Variants in EIF4E2 observed in about 807,000 individuals in gnomAD.
The protein encoded by EIF4E2 is eukaryotic translation initiation factor 4E type 2.
Under a neutral mutation model 34.2 loss-of-function variants are expected in EIF4E2, and 13 were observed. The ratio of observed to expected loss-of-function variants is 0.38; its 90% CI spans 0.25 to 0.60. The LOEUF (loss-of-function observed/expected upper bound fraction) is 0.60, where lower values mean the gene tolerates loss of function less well. EIF4E2 is among the 20% of genes least tolerant of loss of function. The pLI is 0.62. For missense variants in EIF4E2, 222 were observed against 315.1 expected (o/e 0.70, Z 2.24); for synonymous variants, 100 against 106.6 (o/e 0.94, Z 0.38).
intron 6 of EIF4E2, among the ~76,000 whole-genome samples, chr2:232,578,924 A>G (rs1158018320): frequency 6.6e-6 from 1 of 152,190 alleles, no homozygotes; most frequent in African/African-American, 2.4e-5. Context: ...TTTAATAAGA[A>G]GAGCAGAATC....
At chr2:232,562,634 T>C (rs566224873) in intron 3 of EIF4E2, among the ~76,000 whole-genome samples, 6 of 152,274 alleles carry the variant, frequency 3.9e-5, no homozygotes, top group South Asian at 2.1e-4. Flanking sequence ...AGTTGTAAGA[T>C]TGGGGAGACC....
intron 1 of EIF4E2, among the ~76,000 whole-genome samples, chr2:232,555,636 C>G (rs1692491855): frequency 6.6e-6 from 1 of 152,102 alleles, no homozygotes; most frequent in South Asian, 2.1e-4. Context: ...AGACACTGCT[C>G]TAAGGGAACT....
In EIF4E2 at chr2:232,580,973, T is replaced by C. The variant is rs188339923; in HGVS notation, c.*30T>C. ...ACACAAGCTGGCAATAATCCTTTTC[T>C]GTATGTGTGTGTTTGTCCGAAATGG... On this transcript the variant is annotated 3_prime_UTR_variant, in exon 7 of 7. Transcript: ENST00000409098. 2.4e-5 allele frequency: 37 copies of C among 1,547,322 alleles called. No individual in the cohort carries two copies. In the East Asian group the frequency reaches 8.6e-4, roughly 36 times the overall value.
At chr2:232,574,479 T>C in intron 6 of EIF4E2, 4 of 857,358 alleles carry the variant, frequency 4.7e-6, no homozygotes, top group Non-Finnish European at 7.3e-6. Flanking sequence ...CACTGGATTC[T>C]CATCCTCCCT....
intron 3 of EIF4E2, among the ~76,000 whole-genome samples, chr2:232,559,444 AT>A (rs1213355521): frequency 2.7e-5 from 4 of 150,234 alleles, no homozygotes; most frequent in African/African-American, 9.8e-5. Flanking sequence ...TTTGAAAAAA[AT>A]AAAAAAATAA....
At chr2:232,576,264 A>G (rs1015430452) in intron 6 of EIF4E2, among the ~76,000 whole-genome samples, 1 of 152,178 alleles carries the variant, frequency 6.6e-6, no homozygotes, top group Non-Finnish European at 1.5e-5. Flanking sequence ...TCATAGTTTA[A>G]TGGGCAGTGT....
chr2:232,558,157 A>G, intron 3 of EIF4E2, 139 bp downstream of exon 3: 1 of 1,141,696 alleles, frequency 8.8e-7, no homozygotes, highest in Non-Finnish European at 1.2e-6. Flanking sequence ...CCGGAGTCAG[A>G]TTTGTTCATT....
chr2:232,569,217 C>T (rs1174216986), downstream of EIF4E2: 5 of 1,416,546 alleles, frequency 3.5e-6, no homozygotes, highest in Non-Finnish European at 4.6e-6. Context: ...ACTAGCTTGT[C>T]TCATGCTCTT....
intron 1 of EIF4E2, among the ~76,000 whole-genome samples, chr2:232,552,099 CCTA>C (rs1692357726): frequency 1.3e-5 from 2 of 152,128 alleles, no homozygotes; most frequent in African/African-American, 2.4e-5. Flanking sequence ...CAAATGTCAT[CCTA>C]AGAAGACATC....
At chr2:232,578,194 TAAATC>T (rs1392921662) in intron 6 of EIF4E2, among the ~76,000 whole-genome samples, 2 of 152,238 alleles carry the variant, frequency 1.3e-5, no homozygotes, top group Admixed American at 6.5e-5. Context: ...GTTTTCCTCT[TAAATC>T]AAACTGGAAA....
At chr2:232,559,816 G>A (rs77360230) in intron 3 of EIF4E2, among the ~76,000 whole-genome samples, 3,547 of 130,664 alleles carry the variant, frequency 0.027, 90 homozygotes, top group African/African-American at 0.08. Flanking sequence ...TGGAGAAAAC[G>A]GGAGCATTAA....
rs1366891922 is a variant in EIF4E2 at position 232,566,326 on chromosome 2, A to G, written c.376-503A>G. ...CTCAGCCTCCCGAGTAGCTGGGACT[A>G]CAGGCGCCCACCACCATGCCCGGCT... On this transcript the variant is annotated intron_variant, in intron 4 of 6. Transcript: ENST00000258416. This position sits in a 1 kb window ranked among gnomAD's most constrained non-coding sequence, Gnocchi z 4.9. 6.6e-6 allele frequency among the ~76,000 whole-genome samples: 1 copy of G among 152,112 alleles called. No homozygotes were observed. The highest frequency in any genetic ancestry group is 1.5e-5 in the Non-Finnish European group (1 of 68,014).
At chr2:232,551,350 T>C in intron 1 of EIF4E2, 1 of 464,940 alleles carries the variant, frequency 2.2e-6, no homozygotes, top group Non-Finnish European at 4.5e-6. Flanking sequence ...CTAAGTATAC[T>C]TGTTGCCCTC....
rs1693402336 is a variant in EIF4E2 at position 232,583,288 on chromosome 2, A to C, written c.*2345A>C. Reference sequence around the variant, plus strand: ...TGGAGAGTCGGTCTCCACTTTGCACAGTTGGAGCTGTTCTCCTCTAACTCC... The same window carrying C: ...TGGAGAGTCGGTCTCCACTTTGCACCGTTGGAGCTGTTCTCCTCTAACTCC... On this transcript the variant is annotated 3_prime_UTR_variant, in exon 7 of 7. Coordinates refer to the EIF4E2 transcript ENST00000409098. 2 of 152,330 alleles carry C rather than the reference A, an allele frequency of 1.3e-5. 1 individual carries two copies. The highest frequency in any genetic ancestry group is 4.1e-4 in the South Asian group (2 of 4,838). The allele number at this position is 152,330 out of a possible 1,614,324, so 9.4% of individuals were successfully genotyped here.
chr2:232,557,779 C>CT (rs1692576018), intron 2 of EIF4E2, 105 bp from the exon 3 acceptor site: 6 of 1,328,422 alleles, frequency 4.5e-6, no homozygotes, highest in South Asian at 1.4e-5. Flanking sequence ...GTTGTATATC[C>CT]TTTTTTAATT....
intron 6 of EIF4E2, 44 bp from the exon 7 acceptor site, chr2:232,568,899 CCT>C (rs779215671): frequency 4.3e-6 from 7 of 1,613,190 alleles, no homozygotes; most frequent in Non-Finnish European, 5.1e-6. Flanking sequence ...CTTGCGTCCC[CCT>C]CTCTTTCCTC....
At chr2:232,573,875 A>T (rs547264400), downstream of EIF4E2, 21 of 373,926 alleles carry the variant, frequency 5.6e-5, no homozygotes, top group East Asian at 1.0e-3. Context: ...TGTTTCTACC[A>T]CCTGTGCACA....
rs537131760 is a variant in EIF4E2, at chr2:232,550,808, C to G, written c.20+64C>G. 1.2e-4 allele frequency: 166 copies of G among 1,441,770 alleles called. 1 individual carries two copies. The South Asian group carries it at 2.0e-3, about 18-fold the overall frequency. The allele number at this position is 1,441,770 out of a possible 1,614,324, so 89.3% of individuals were successfully genotyped here. ...AACAGTTCCCCCGCGCCCGCCCCCG[C>G]TGGGGCTGGGGCGGCGCAAACCCTG... On this transcript the variant is annotated intron_variant, in intron 1 of 6. Coordinates refer to ENST00000258416, the MANE Select transcript of EIF4E2 (RefSeq NM_004846.4).
chr2:232,580,844 G>T, intron 6 of EIF4E2: 1 of 1,440,614 alleles, frequency 6.9e-7, no homozygotes. Context: ...GTATATGTGT[G>T]CTTCTGTATA....
Sources: allele counts gnomAD v4.1 joint callset (sites outside exome capture counted in the v4.1 genomes callset), GRCh38; gene constraint gnomAD v4.1.1; non-coding constraint Gnocchi (gnomAD v3.1); transcripts MANE v1.5; gene names NCBI Gene and HGNC (gene_info 2026-07-23, HGNC 2026-07-21).